The following DOCK3 variants were observed in gnomAD, a reference collection of about 807,000 sequenced individuals.
DOCK3 encodes dedicator of cytokinesis 3.
In DOCK3, 60 loss-of-function variants were observed where a neutral mutation model predicts 265.6. The ratio of observed to expected loss-of-function variants is 0.23; its 90% CI spans 0.18 to 0.28. The LOEUF (loss-of-function observed/expected upper bound fraction) is 0.28, where lower values mean the gene tolerates loss of function less well. Among genes scored for constraint, DOCK3 ranks in the 10% least tolerant of loss-of-function variants. The pLI is 1.00. For synonymous variants in DOCK3, 881 were observed against 938.0 expected (o/e 0.94, Z 1.11); for missense variants, 1,981 against 2,594.3 (o/e 0.76, Z 5.14).
At chr3:51,308,776 C>T (rs1576744391) in intron 27 of DOCK3, among the ~76,000 whole-genome samples, 1 of 152,096 alleles carries the variant, frequency 6.6e-6, no homozygotes, top group Admixed American at 6.5e-5. Flanking sequence ...AGGGGCTCCT[C>T]ACTTCCCAGT....
chr3:51,374,123 A>C lies in DOCK3; in HGVS notation c.5294-346A>C, dbSNP rs1049685394. 6.6e-6 allele frequency among the ~76,000 whole-genome samples: 1 copy of C among 152,186 alleles called. No homozygotes were observed. Among genetic ancestry groups the C allele is most frequent in the Admixed American group, 6.5e-5 (1 of 15,278 alleles). On this transcript the variant is annotated intron_variant, in intron 49 of 52. Coordinates refer to ENST00000266037, the MANE Select transcript of DOCK3 (RefSeq NM_004947.5). This position sits in a 1 kb window ranked among gnomAD's most constrained non-coding sequence, Gnocchi z 4.8. ...TGGACCCCAGGAGAGCCCAGCATAC[A>C]GGCCACACCCATTTCCTGATAGTGC...
At chr3:51,292,746 T>A (rs1189426525) in intron 27 of DOCK3, among the ~76,000 whole-genome samples, 1 of 152,164 alleles carries the variant, frequency 6.6e-6, no homozygotes, top group Non-Finnish European at 1.5e-5. Flanking sequence ...AGCACAATCT[T>A]GGCTCAGTGC....
At chr3:50,809,667 G>T (rs2043626684) in intron 2 of DOCK3, among the ~76,000 whole-genome samples, 1 of 152,108 alleles carries the variant, frequency 6.6e-6, no homozygotes, top group Admixed American at 6.5e-5. Context: ...GCAGTAGAAT[G>T]GGCAAATATG....
At chr3:51,035,167 T>C (rs1484517632) in intron 5 of DOCK3, among the ~76,000 whole-genome samples, 1 of 152,134 alleles carries the variant, frequency 6.6e-6, no homozygotes, top group African/African-American at 2.4e-5. Context: ...TCATTATTTC[T>C]ACAAATATTT....
intron 31 of DOCK3, among the ~76,000 whole-genome samples, chr3:51,313,465 A>G (rs1021288260): frequency 1.3e-5 from 2 of 152,232 alleles, no homozygotes; most frequent in African/African-American, 2.4e-5. Context: ...TTCTGCTTTG[A>G]ATGCTTTGAA....
At chr3:51,267,290 C>T (rs1029906174) in intron 23 of DOCK3, among the ~76,000 whole-genome samples, 3 of 152,068 alleles carry the variant, frequency 2.0e-5, no homozygotes, top group African/African-American at 7.2e-5. Context: ...ACTAGAAATA[C>T]ATGTGACCCA....
chr3:50,994,241 G>A (rs2078205177), intron 5 of DOCK3, among the ~76,000 whole-genome samples: 1 of 152,124 alleles, frequency 6.6e-6, no homozygotes, highest in African/African-American at 2.4e-5. Context: ...AAAAAGATAA[G>A]TCAAAATTAT....
intron 2 of DOCK3, among the ~76,000 whole-genome samples, chr3:50,794,091 G>T (rs1304035515): frequency 6.6e-6 from 1 of 152,172 alleles, no homozygotes. Flanking sequence ...GCTGTGGTCT[G>T]ACAGAGTGGT....
intron 9 of DOCK3, among the ~76,000 whole-genome samples, chr3:51,138,071 G>A (rs542430183): frequency 6.6e-6 from 1 of 152,284 alleles, no homozygotes; most frequent in South Asian, 2.1e-4. Flanking sequence ...GGGTTGTGGG[G>A]TAAAATGTCA....
At chr3:51,159,782 C>T (rs2107515212) in intron 11 of DOCK3, among the ~76,000 whole-genome samples, 1 of 152,236 alleles carries the variant, frequency 6.6e-6, no homozygotes, top group East Asian at 1.9e-4. Context: ...CACTTCTACC[C>T]CACCCAAGAT....
chr3:51,114,137 G>A (rs1472986340), intron 9 of DOCK3, among the ~76,000 whole-genome samples: 1 of 151,848 alleles, frequency 6.6e-6, no homozygotes, highest in South Asian at 2.1e-4. Context: ...TGAATGATTG[G>A]AATGGTAGAT....
intron 1 of DOCK3, among the ~76,000 whole-genome samples, chr3:50,752,402 G>A (rs1266378782): frequency 1.3e-5 from 2 of 151,862 alleles, no homozygotes; most frequent in East Asian, 1.9e-4. Flanking sequence ...CCAGCTACTC[G>A]GGAGGCTGAG....
chr3:51,268,814 C>T (rs1217455508), intron 23 of DOCK3, among the ~76,000 whole-genome samples: 2 of 152,104 alleles, frequency 1.3e-5, no homozygotes, highest in Non-Finnish European at 2.9e-5. Flanking sequence ...CCAGGTGCTT[C>T]TGTAAGAAAG....
At chr3:50,961,173 AT>A (rs2076875467) in intron 5 of DOCK3, among the ~76,000 whole-genome samples, 2 of 152,098 alleles carry the variant, frequency 1.3e-5, no homozygotes, top group Admixed American at 6.5e-5. Flanking sequence ...CTTTTTCCAT[AT>A]TGCTTTGGCT....
At chr3:51,197,635 G>T (rs1479698262) in intron 12 of DOCK3, among the ~76,000 whole-genome samples, 1 of 152,172 alleles carries the variant, frequency 6.6e-6, no homozygotes, top group Non-Finnish European at 1.5e-5. Flanking sequence ...GAGTGAAGCT[G>T]GACTAGGTAG....
chr3:51,252,536 G>A (rs1019941101), intron 22 of DOCK3, among the ~76,000 whole-genome samples: 1 of 152,008 alleles, frequency 6.6e-6, no homozygotes, highest in Non-Finnish European at 1.5e-5. Context: ...CTTTTATTTT[G>A]TTGAGCAGTG....
At chr3:50,774,348 A>G (rs2041463300) in intron 1 of DOCK3, among the ~76,000 whole-genome samples, 1 of 151,992 alleles carries the variant, frequency 6.6e-6, no homozygotes, top group South Asian at 2.1e-4. Context: ...TTTCTAATCC[A>G]TTAATATGAT....
At chr3:51,280,240 G>T in intron 27 of DOCK3, 36 bp downstream of exon 27, 3 of 1,584,338 alleles carry the variant, frequency 1.9e-6, no homozygotes, top group Non-Finnish European at 2.6e-6. Context: ...GGGAGAGGAA[G>T]TGTGCAGCCA....
At chr3:50,890,408 C>A (rs2048585282) in intron 4 of DOCK3, among the ~76,000 whole-genome samples, 1 of 151,794 alleles carries the variant, frequency 6.6e-6, no homozygotes, top group South Asian at 2.1e-4. Context: ...TTTGTTTTTA[C>A]AAAGTGAAAG....
Sources: gnomAD v4.1 joint callset for allele counts (sites outside exome capture counted in the v4.1 genomes callset) on GRCh38, gnomAD v4.1.1 for gene constraint, Gnocchi (gnomAD v3.1) non-coding constraint, MANE v1.5 for transcripts, NCBI Gene and HGNC (gene_info 2026-07-23, HGNC 2026-07-21) for gene names.